Variants in MEGF10 observed in about 807,000 individuals in gnomAD.
The protein encoded by MEGF10 is multiple EGF like domains 10.
MEGF10 carries 86 observed loss-of-function variants against 147.5 expected under a neutral mutation model. The ratio of observed to expected loss-of-function variants is 0.58; its 90% CI spans 0.49 to 0.70. The LOEUF is 0.70. Among genes scored for constraint, MEGF10 ranks in the 30% least tolerant of loss-of-function variants. The pLI is 0.00. For synonymous variants in MEGF10, 478 were observed against 525.5 expected, an observed-to-expected ratio of 0.91 and a Z score of 1.24; for missense variants, 1,329 against 1,487.3, an observed-to-expected ratio of 0.89 and a Z score of 1.75.
At chr5:127,346,610 A>C (rs1761904688) in intron 4 of MEGF10, among the ~76,000 whole-genome samples, 1 of 152,120 alleles carries the variant, frequency 6.6e-6, no homozygotes, top group African/African-American at 2.4e-5. Flanking sequence ...TCTGAATATT[A>C]GTCCTTTGTC....
intron 1 of MEGF10, among the ~76,000 whole-genome samples, chr5:127,310,947 G>T (rs1188139137): frequency 6.6e-6 from 1 of 152,152 alleles, no homozygotes; most frequent in Non-Finnish European, 1.5e-5. Context: ...TGGAAAGATT[G>T]CTGAAAAGTG....
At chr5:127,398,917 C>A in intron 7 of MEGF10, 121 bp downstream of exon 7, 2 of 1,375,216 alleles carry the variant, frequency 1.5e-6, no homozygotes, top group Non-Finnish European at 2.0e-6. Context: ...TTGAAGATTC[C>A]AAAATTGGAA....
chr5:127,247,300 G>C, the MEGF10 span, among the ~76,000 whole-genome samples: 2 of 96,098 alleles, frequency 2.1e-5, no homozygotes, highest in South Asian at 7.2e-4. Flanking sequence ...GTGGGGGAGA[G>C]AGAGCGAGAG....
the MEGF10 span, among the ~76,000 whole-genome samples, chr5:127,247,375 A>T: frequency 7.1e-5 from 1 of 14,064 alleles, no homozygotes; most frequent in Non-Finnish European, 1.4e-4. Flanking sequence ...GAAGAAGAAG[A>T]AGAAGAAGAA....
chr5:127,267,830 T>C, the MEGF10 span, among the ~76,000 whole-genome samples: 1 of 152,218 alleles, frequency 6.6e-6, no homozygotes, highest in Non-Finnish European at 1.5e-5. Flanking sequence ...TTTATTAGTC[T>C]TGCAAGCAGT....
At chr5:127,417,167 C>T (rs975019524) in intron 9 of MEGF10, among the ~76,000 whole-genome samples, 1 of 152,190 alleles carries the variant, frequency 6.6e-6, no homozygotes, top group African/African-American at 2.4e-5. Flanking sequence ...TGGGTCAATG[C>T]GGCTGCTGTT....
chr5:127,284,376 A>T, the MEGF10 span, among the ~76,000 whole-genome samples: 1 of 152,132 alleles, frequency 6.6e-6, no homozygotes, highest in Admixed American at 6.5e-5. Context: ...AAGGCTCCTG[A>T]ACACTTTTTT....
intron 23 of MEGF10, among the ~76,000 whole-genome samples, chr5:127,455,162 A>G (rs1410633142): frequency 2.0e-5 from 3 of 152,344 alleles, no homozygotes; most frequent in South Asian, 2.1e-4. Flanking sequence ...TGTGATCATA[A>G]AAATGAAATC....
intron 8 of MEGF10, 95 bp downstream of exon 8, chr5:127,402,777 G>A (rs1764182836): frequency 6.9e-6 from 9 of 1,297,662 alleles, no homozygotes; most frequent in Non-Finnish European, 9.5e-6. Flanking sequence ...ATGTGTCCAT[G>A]ACTCTTCCAT....
chr5:127,293,837 A>G (rs1374833001), intron 1 of MEGF10, among the ~76,000 whole-genome samples: 1 of 152,222 alleles, frequency 6.6e-6, no homozygotes, highest in Non-Finnish European at 1.5e-5. Flanking sequence ...AGCTGACGTC[A>G]GATCACATTT....
the MEGF10 span, among the ~76,000 whole-genome samples, chr5:127,267,063 A>G: frequency 2.0e-5 from 3 of 152,336 alleles, no homozygotes; most frequent in East Asian, 1.9e-4. Flanking sequence ...TGGGTTTGTC[A>G]TAAATAGCTC....
the MEGF10 span, among the ~76,000 whole-genome samples, chr5:127,235,405 A>G: frequency 6.6e-6 from 1 of 152,180 alleles, no homozygotes; most frequent in African/African-American, 2.4e-5. Flanking sequence ...TTTGATGTTT[A>G]ACGTTTTGTC....
At chr5:127,396,402 T>G in intron 5 of MEGF10, 130 bp from the exon 6 acceptor site, 1 of 1,092,378 alleles carries the variant, frequency 9.2e-7, no homozygotes, top group Non-Finnish European at 1.3e-6. Context: ...TTGCCATGGG[T>G]TGGGGCCAGG....
chr5:127,379,569 C>T (rs1042211526), intron 5 of MEGF10, among the ~76,000 whole-genome samples: 25 of 151,202 alleles, frequency 1.7e-4, no homozygotes, highest in Non-Finnish European at 3.2e-4. Flanking sequence ...ATACTCATCT[C>T]CCTGGTTCTT....
intron 5 of MEGF10, among the ~76,000 whole-genome samples, chr5:127,389,838 G>A (rs1763576390): frequency 6.6e-6 from 1 of 150,454 alleles, no homozygotes. Flanking sequence ...CTTAGTACTT[G>A]GGTGATGAAA....
At chr5:127,343,954 G>C (rs140453468) in intron 4 of MEGF10, among the ~76,000 whole-genome samples, 34 of 152,288 alleles carry the variant, frequency 2.2e-4, no homozygotes, top group African/African-American at 8.2e-4. Flanking sequence ...CATAAGGACA[G>C]CTTGTAGATG....
chr5:127,410,641 A>C (rs1764522808), intron 9 of MEGF10, 40 bp downstream of exon 9: 4 of 1,523,000 alleles, frequency 2.6e-6, no homozygotes, highest in Non-Finnish European at 3.5e-6. Context: ...GTCCTGTGAA[A>C]GTTTTAACCT....
the MEGF10 span, among the ~76,000 whole-genome samples, chr5:127,272,181 A>G: frequency 6.6e-6 from 1 of 152,168 alleles, no homozygotes; most frequent in Admixed American, 6.5e-5. Context: ...CATTTATTAA[A>G]TAGGGAATCC....
At chr5:127,417,863 A>G in intron 10 of MEGF10, 51 bp downstream of exon 10, 1 of 1,560,352 alleles carries the variant, frequency 6.4e-7, no homozygotes, top group African/African-American at 1.4e-5. Context: ...AGTGTGAAGC[A>G]TCTCAATACC....
Sources: allele counts gnomAD v4.1 joint callset (sites outside exome capture counted in the v4.1 genomes callset), GRCh38; gene constraint gnomAD v4.1.1; transcripts MANE v1.5; gene names NCBI Gene and HGNC (gene_info 2026-07-23, HGNC 2026-07-21).